EXT1: variants seen among roughly 807,000 people sequenced by gnomAD.
EXT1 encodes exostosin glycosyltransferase 1, also known as exostosin-1.
Under a neutral mutation model 82.5 loss-of-function variants are expected in EXT1, and 20 were observed. The observed-to-expected ratio is 0.24, with a 90% CI of 0.17 to 0.35. The LOEUF (loss-of-function observed/expected upper bound fraction) is 0.35, where lower values mean the gene tolerates loss of function less well. Ranked by LOEUF, EXT1 falls within the 10% of genes least tolerant of loss-of-function variation. The pLI is 1.00. For synonymous variants in EXT1, 348 were observed against 350.8 expected, an observed-to-expected ratio of 0.99 and a Z score of 0.09; for missense variants, 757 against 936.5, an observed-to-expected ratio of 0.81 and a Z score of 2.50.
chr8:117,956,225 C>T (rs1814583272), intron 1 of EXT1, among the ~76,000 whole-genome samples: 1 of 151,540 alleles, frequency 6.6e-6, no homozygotes, highest in African/African-American at 2.4e-5. Context: ...AACAGGAGGC[C>T]CTTGGCACGG....
At chr8:118,105,193 G>A (rs1451053363) in intron 1 of EXT1, among the ~76,000 whole-genome samples, 1 of 152,160 alleles carries the variant, frequency 6.6e-6, no homozygotes, top group African/African-American at 2.4e-5. Context: ...GTCATTATTG[G>A]CAGGAGTTTC....
rs547524121 is a variant in EXT1 at position 118,085,222 on chromosome 8, A to G, written c.962+24863T>C. The stretch of plus-strand genomic sequence containing the variant: ...GATGCTGAGGTTATTAAAATAACCT[A>G]TTTGCTACAGCCTTGGTGTCTGTCC... On this transcript the variant is annotated intron_variant, in intron 1 of 10. Transcript: ENST00000378204. 7.2e-4 allele frequency among the ~76,000 whole-genome samples: 109 copies of G among 152,344 alleles called. 1 individual carries two copies. The highest frequency in any genetic ancestry group is 2.5e-3 in the African/African-American group (105 of 41,580).
At chr8:118,017,234 A>T (rs1479934903) in intron 1 of EXT1, among the ~76,000 whole-genome samples, 1 of 152,162 alleles carries the variant, frequency 6.6e-6, no homozygotes, top group Non-Finnish European at 1.5e-5. Context: ...CATTCTCCTT[A>T]TACATTATCC....
At chr8:117,914,370 CG>C (rs1159701208) in intron 1 of EXT1, among the ~76,000 whole-genome samples, 3 of 152,106 alleles carry the variant, frequency 2.0e-5, no homozygotes, top group African/African-American at 7.2e-5. Flanking sequence ...GATTGTAAAA[CG>C]TGTGTTTGAA....
At chr8:118,074,822 T>A (rs1817176039) in intron 1 of EXT1, among the ~76,000 whole-genome samples, 1 of 152,172 alleles carries the variant, frequency 6.6e-6, no homozygotes, top group South Asian at 2.1e-4. Flanking sequence ...TACAACTCTG[T>A]TAAATGCAAA....
chr8:118,104,236 T>TC (rs1563657482), intron 1 of EXT1, among the ~76,000 whole-genome samples: 6 of 152,352 alleles, frequency 3.9e-5, no homozygotes, highest in Admixed American at 1.3e-4. Flanking sequence ...AATCTTCTAG[T>TC]CTGGAGGGAA....
chr8:117,970,291 C>G (rs1460247599), intron 1 of EXT1, among the ~76,000 whole-genome samples: 1 of 151,700 alleles, frequency 6.6e-6, no homozygotes, highest in African/African-American at 2.4e-5. Flanking sequence ...TGAGGCAGGG[C>G]TCAGGAATCT....
At chr8:117,871,517 A>G (rs907033814) in intron 1 of EXT1, among the ~76,000 whole-genome samples, 5 of 152,210 alleles carry the variant, frequency 3.3e-5, no homozygotes, top group Non-Finnish European at 7.3e-5. Flanking sequence ...TGCAAGGCAG[A>G]TTTTCTTGGG....
chr8:118,033,200 GT>G (rs1436169736), intron 1 of EXT1, among the ~76,000 whole-genome samples: 3 of 152,158 alleles, frequency 2.0e-5, no homozygotes, highest in African/African-American at 7.2e-5. Flanking sequence ...CAGAAGGACT[GT>G]CCTAATCCTT....
At chr8:117,829,442 G>A (rs917161870) in intron 4 of EXT1, among the ~76,000 whole-genome samples, 3 of 152,112 alleles carry the variant, frequency 2.0e-5, no homozygotes, top group Non-Finnish European at 4.4e-5. Flanking sequence ...ACGCTGGTTG[G>A]CTGGCTTGCC....
At chr8:117,946,527 C>T (rs568752099) in intron 1 of EXT1, among the ~76,000 whole-genome samples, 1 of 152,276 alleles carries the variant, frequency 6.6e-6, no homozygotes, top group South Asian at 2.1e-4. Context: ...CAGACCAGGG[C>T]CTGCCAAGAC....
chr8:118,089,560 G>A (rs1243697794), intron 1 of EXT1, among the ~76,000 whole-genome samples: 1 of 152,138 alleles, frequency 6.6e-6, no homozygotes, highest in East Asian at 1.9e-4. Flanking sequence ...GGTGGTTATG[G>A]GAAACAAATG....
At chr8:117,915,582 C>G (rs117861800) in intron 1 of EXT1, among the ~76,000 whole-genome samples, 9 of 152,176 alleles carry the variant, frequency 5.9e-5, no homozygotes, top group South Asian at 2.1e-4. Context: ...AGGTCAGGCA[C>G]GGTGGCTTAT....
chr8:117,984,449 C>CA (rs368857333), intron 1 of EXT1, among the ~76,000 whole-genome samples: 5,427 of 130,844 alleles, frequency 0.041, 254 homozygotes, highest in African/African-American at 0.12. Flanking sequence ...CAAAACAAAA[C>CA]AAAAAAAAAA....
At chr8:118,010,371 CAA>C (rs56865464) in intron 1 of EXT1, among the ~76,000 whole-genome samples, 10 of 55,978 alleles carry the variant, frequency 1.8e-4, no homozygotes, top group East Asian at 1.1e-3. Flanking sequence ...GACTCCGTCT[CAA>C]AAAAAAAAAA....
chr8:118,067,521 A>G (rs1182335273), intron 1 of EXT1, among the ~76,000 whole-genome samples: 1 of 152,246 alleles, frequency 6.6e-6, no homozygotes, highest in Non-Finnish European at 1.5e-5. Context: ...TGGACATAGT[A>G]CATAACAGAG....
intron 1 of EXT1, among the ~76,000 whole-genome samples, chr8:117,944,723 AATTTTC>A (rs1330769669): frequency 4.6e-5 from 7 of 152,058 alleles, no homozygotes; most frequent in African/African-American, 1.7e-4. Flanking sequence ...AAGAACAGGC[AATTTTC>A]ATTACTGATG....
chr8:118,026,778 G>T (rs988906368), intron 1 of EXT1, among the ~76,000 whole-genome samples: 1 of 152,178 alleles, frequency 6.6e-6, no homozygotes, highest in Non-Finnish European at 1.5e-5. Context: ...CCTGGGCCAT[G>T]TCCAGCTCCT....
At chr8:118,032,384 C>G (rs1816341642) in intron 1 of EXT1, among the ~76,000 whole-genome samples, 1 of 151,788 alleles carries the variant, frequency 6.6e-6, no homozygotes, top group South Asian at 2.1e-4. Flanking sequence ...CATTTGAGAA[C>G]CACTGTTTTA....
Sources: gnomAD v4.1 joint callset for allele counts (sites outside exome capture counted in the v4.1 genomes callset) on GRCh38, gnomAD v4.1.1 for gene constraint, MANE v1.5 for transcripts, NCBI Gene and HGNC (gene_info 2026-07-23, HGNC 2026-07-21) for gene names.